SEC14L1: variants seen among roughly 807,000 people sequenced by gnomAD.
The protein encoded by SEC14L1 is SEC14-like protein 1.
A neutral mutation model predicts 85.3 loss-of-function variants in SEC14L1; 48 were observed. The ratio of observed to expected loss-of-function variants is 0.56; its 90% confidence interval spans 0.45 to 0.72. The LOEUF (loss-of-function observed/expected upper bound fraction) is 0.72, where lower values mean the gene tolerates loss of function less well. Among genes scored for constraint, SEC14L1 ranks in the 30% least tolerant of loss-of-function variants. SEC14L1 has a pLI of 0.00. For missense variants in SEC14L1, 682 were observed against 921.4 expected, an observed-to-expected ratio of 0.74 and a Z score of 3.36; for synonymous variants, 391 against 355.5, an observed-to-expected ratio of 1.10 and a Z score of -1.12.
chr17:77,178,349 G>C (rs1221162679), intron 3 of SEC14L1, among the ~76,000 whole-genome samples: 1 of 152,092 alleles, frequency 6.6e-6, no homozygotes, highest in African/African-American at 2.4e-5. Context: ...ACCTACTACT[G>C]TGTGTTTTTT....
At chr17:77,191,429 T>C in intron 5 of SEC14L1, 117 bp downstream of exon 5, 1 of 1,101,966 alleles carries the variant, frequency 9.1e-7, no homozygotes, top group Non-Finnish European at 1.4e-6. Context: ...CTTCATTAGA[T>C]GTTGTCACTC....
In SEC14L1 at chr17:77,212,117, G is replaced by A. The variant is rs763474299; in HGVS notation, c.1779G>A (p.Gln593=). Residue 593 remains glutamine, a synonymous_variant, in exon 15 of 17, where the codon CAG becomes CAA. Transcript: ENST00000436233. ...SITSPGGNNV[Q]LIDKVWQLGR... ...CCTCTCCGGGTGGGAACAATGTGCA[G>A]CTCATAGACAAAGTCTGGCAGCTGG... The A allele has an allele frequency of 3.1e-6, 5 of 1,614,182 alleles. No individual in the cohort carries two copies. Among genetic ancestry groups the A allele is most frequent in the Admixed American group, 1.7e-5 (1 of 60,018 alleles).
intron 3 of SEC14L1, among the ~76,000 whole-genome samples, chr17:77,134,224 T>G (rs1206598305): frequency 1.3e-5 from 2 of 151,752 alleles, no homozygotes; most frequent in African/African-American, 4.8e-5. Context: ...ACAGTGCCAC[T>G]TGAACACAAC....
At chr17:77,090,779 A>G (rs1971493848) in intron 2 of SEC14L1, among the ~76,000 whole-genome samples, 1 of 152,026 alleles carries the variant, frequency 6.6e-6, no homozygotes, top group Non-Finnish European at 1.5e-5. Context: ...TGCTTGAGCC[A>G]AGGAGTTCAA....
At chr17:77,094,493 G>A (rs1259406318) in intron 3 of SEC14L1, 1 of 151,464 alleles carries the variant, frequency 6.6e-6, no homozygotes, top group Non-Finnish European at 1.5e-5. Flanking sequence ...TTGCGATGGA[G>A]TCTCACTCTG....
At chr17:77,167,303 T>G (rs922485726) in intron 3 of SEC14L1, among the ~76,000 whole-genome samples, 1 of 152,068 alleles carries the variant, frequency 6.6e-6, no homozygotes, top group Non-Finnish European at 1.5e-5. Flanking sequence ...CCCAGCTAAT[T>G]TTTGTATTTT....
At position 77,213,915 on chromosome 17, in the gene SEC14L1, C is replaced by G. The variant is rs776805150; in HGVS notation, c.2043-3C>G. Reference sequence around the variant, plus strand: ...CGCCTCGCCCCTCCCTGTGCCATTACAGAGGTTCCATGACGAGCCTGGAGT... The same window carrying G: ...CGCCTCGCCCCTCCCTGTGCCATTAGAGAGGTTCCATGACGAGCCTGGAGT... On this transcript the variant is annotated splice_polypyrimidine_tract_variant and splice_region_variant and intron_variant, in intron 16 of 16. Coordinates refer to ENST00000436233, the MANE Select transcript of SEC14L1 (RefSeq NM_001143998.2). This position sits in a 1 kb window ranked among gnomAD's most constrained non-coding sequence, Gnocchi z 7.1. 1.2e-6 allele frequency: 2 copies of G among 1,612,768 alleles called. No homozygotes were observed. The highest frequency in any genetic ancestry group is 1.7e-6 in the Non-Finnish European group (2 of 1,179,472).
chr17:77,181,982 G>C (rs1466241552), intron 3 of SEC14L1, among the ~76,000 whole-genome samples: 1 of 151,998 alleles, frequency 6.6e-6, no homozygotes, highest in Non-Finnish European at 1.5e-5. Context: ...TTTGAGCACT[G>C]GCAGCTTGTA....
intron 3 of SEC14L1, among the ~76,000 whole-genome samples, chr17:77,180,128 G>T (rs534726799): frequency 1.3e-5 from 2 of 151,112 alleles, no homozygotes; most frequent in Non-Finnish European, 2.9e-5. Context: ...TTTTGAGAGG[G>T]ATTCTCACAC....
At chr17:77,089,639 G>A (rs1162996021) in intron 2 of SEC14L1, 5 of 377,868 alleles carry the variant, frequency 1.3e-5, no homozygotes, top group African/African-American at 1.1e-4. Flanking sequence ...TACGGATACA[G>A]AGATGAAGAA....
At chr17:77,091,598 A>G (rs1049480042) in intron 2 of SEC14L1, among the ~76,000 whole-genome samples, 4 of 152,160 alleles carry the variant, frequency 2.6e-5, no homozygotes, top group African/African-American at 9.6e-5. Flanking sequence ...TTTTATTTTA[A>G]CTGTAAATAG....
At chr17:77,201,552 G>C (rs540471858) in intron 9 of SEC14L1, among the ~76,000 whole-genome samples, 1 of 151,406 alleles carries the variant, frequency 6.6e-6, no homozygotes, top group East Asian at 2.0e-4. Context: ...CCGGGTTCAA[G>C]CAATTCTCCC....
chr17:77,171,996 C>T (rs913893937), intron 3 of SEC14L1, among the ~76,000 whole-genome samples: 3 of 152,072 alleles, frequency 2.0e-5, no homozygotes, highest in Non-Finnish European at 4.4e-5. Context: ...TTGTTCCTGC[C>T]TCCGGGATTA....
intron 9 of SEC14L1, among the ~76,000 whole-genome samples, chr17:77,202,948 A>C (rs531747133): frequency 2.0e-5 from 3 of 151,670 alleles, no homozygotes; most frequent in East Asian, 3.9e-4. Flanking sequence ...AAAAAAAAAA[A>C]AAAACAGAGT....
At chr17:77,195,450 C>G (rs1439855840) in intron 7 of SEC14L1, among the ~76,000 whole-genome samples, 1 of 152,150 alleles carries the variant, frequency 6.6e-6, no homozygotes, top group Non-Finnish European at 1.5e-5. Context: ...TCCCGAGTAG[C>G]TGGGACCACA....
At chr17:77,199,608 C>T (rs552292169) in intron 8 of SEC14L1, 1 of 152,478 alleles carries the variant, frequency 6.6e-6, no homozygotes, top group East Asian at 1.9e-4. Context: ...GTCCTGCTCT[C>T]TCTTTATTCT....
intron 3 of SEC14L1, among the ~76,000 whole-genome samples, chr17:77,145,220 C>G (rs1419008450): frequency 2.0e-5 from 3 of 151,970 alleles, no homozygotes; most frequent in African/African-American, 7.3e-5. Flanking sequence ...TCTTGAACTT[C>G]TGCCCTCAGG....
At chr17:77,131,856 G>A (rs485450) in intron 3 of SEC14L1, among the ~76,000 whole-genome samples, 108,917 of 152,134 alleles carry the variant, frequency 0.72, 40,307 homozygotes, top group African/African-American at 0.9. Flanking sequence ...GTGTCCTGAA[G>A]GAAGGAAGAC....
chr17:77,209,396 G>T lies in SEC14L1; in HGVS notation c.1531G>T (p.Glu511Ter), dbSNP rs756263182. 2.5e-6 allele frequency: 4 copies of T among 1,614,212 alleles called. No homozygotes were observed. The highest frequency in any genetic ancestry group is 1.1e-5 in the South Asian group (1 of 91,088). The change falls in exon 14 of 17, where the codon GAG becomes TAG. Residue 511 changes from glutamate to a stop codon, truncating the protein, a stop_gained. Coordinates refer to ENST00000436233, the MANE Select transcript of SEC14L1 (RefSeq NM_001143998.2). LOFTEE classifies it high-confidence loss of function. Reference protein sequence around the residue: ...VPKSLYRTAEELENEDLKLWT... With the variant: ...VPKSLYRTAE ...CAAATCTCTGTACCGGACTGCAGAG[G>T]AGCTGGAGAACGAAGACCTGAAGCT... is the stretch of plus-strand genomic sequence containing the variant.
Sources: allele counts gnomAD v4.1 joint callset (sites outside exome capture counted in the v4.1 genomes callset), GRCh38; gene constraint gnomAD v4.1.1; non-coding constraint Gnocchi (gnomAD v3.1); transcripts MANE v1.5; gene names NCBI Gene and HGNC (gene_info 2026-07-23, HGNC 2026-07-21).